CDC42BPA: variants seen among roughly 807,000 people sequenced by gnomAD.
The protein encoded by CDC42BPA is serine/threonine-protein kinase MRCK alpha.
In CDC42BPA, 80 loss-of-function variants were observed where a neutral mutation model predicts 223.5. The ratio of observed to expected loss-of-function variants is 0.36; its 90% CI spans 0.30 to 0.43. The LOEUF is 0.43. CDC42BPA is among the 20% of genes least tolerant of loss of function. The pLI is 1.00. For synonymous variants in CDC42BPA, 694 were observed against 718.6 expected (o/e 0.97, Z 0.55); for missense variants, 1,743 against 2,099.9 (o/e 0.83, Z 3.32).
At chr1:227,077,614 T>C (rs2149108571) in intron 17 of CDC42BPA, among the ~76,000 whole-genome samples, 1 of 152,280 alleles carries the variant, frequency 6.6e-6, no homozygotes, top group South Asian at 2.1e-4. Flanking sequence ...AGGAATTTAA[T>C]TCCCAAATTT....
chr1:227,272,379 A>T (rs1686101961), intron 1 of CDC42BPA, among the ~76,000 whole-genome samples: 1 of 152,144 alleles, frequency 6.6e-6, no homozygotes, highest in South Asian at 2.1e-4. Flanking sequence ...AAAACCCTAA[A>T]GGAAAAGATT....
intron 2 of CDC42BPA, among the ~76,000 whole-genome samples, chr1:227,221,636 T>C (rs1675925306): frequency 6.7e-6 from 1 of 149,192 alleles, no homozygotes; most frequent in African/African-American, 2.5e-5. Flanking sequence ...CTATATGCTA[T>C]ACATTATGCT....
In CDC42BPA at chr1:227,031,494, T is replaced by A; in HGVS notation, c.3579A>T (p.Ser1193=). Residue 1193 remains serine (S), a synonymous_variant, in exon 28 of 37, where the codon TCA becomes TCT. Coordinates refer to ENST00000366766, the MANE Select transcript of CDC42BPA (RefSeq NM_001394014.1). ...CIFRVTASQL[S]ASNNKCSILM... ...GGATTGAACATTTGTTATTAGATGC[T>A]GAGAGCTGGGAAGCTGTGACCTAGA... is the stretch of plus-strand genomic sequence containing the variant. The A allele has an allele frequency of 6.2e-7, 1 of 1,614,022 alleles. No individual in the cohort carries two copies. The highest frequency in any genetic ancestry group is 1.6e-4 in the Middle Eastern group (1 of 6,062).
intron 5 of CDC42BPA, among the ~76,000 whole-genome samples, chr1:227,173,122 G>T (rs1007612988): frequency 1.9e-4 from 29 of 152,188 alleles, no homozygotes; most frequent in African/African-American, 6.5e-4. Flanking sequence ...ACAAAAATAT[G>T]AAAACGTATA....
intron 7 of CDC42BPA, among the ~76,000 whole-genome samples, chr1:227,146,790 T>C (rs927920537): frequency 6.6e-6 from 1 of 152,148 alleles, no homozygotes; most frequent in African/African-American, 2.4e-5. Flanking sequence ...GGTAGATTCC[T>C]AGACTGAAGT....
In CDC42BPA at chr1:227,113,006, C is replaced by G. The variant is rs539550784; in HGVS notation, c.1648-93G>C. On this transcript the variant is annotated intron_variant, in intron 12 of 36. Transcript: ENST00000366766. ...ATAGCTATCATTAAGTCAAGAAGAGCCAAAATTATTCACCTTAGGACAAAT... is the reference window on the plus strand; with the variant it reads ...ATAGCTATCATTAAGTCAAGAAGAGGCAAAATTATTCACCTTAGGACAAAT... 11 of 1,184,076 alleles carry G rather than the reference C, an allele frequency of 9.3e-6. No individual in the cohort carries two copies. The African/African-American group carries it at 1.7e-4, about 18-fold the overall frequency. The allele number at this position is 1,184,076 out of a possible 1,614,324, so 73.3% of individuals were successfully genotyped here.
chr1:227,064,381 T>C (rs1341553442), intron 21 of CDC42BPA, among the ~76,000 whole-genome samples: 1 of 152,310 alleles, frequency 6.6e-6, no homozygotes, highest in African/African-American at 2.4e-5. Flanking sequence ...AGCTAATTTA[T>C]ATGATTGTAA....
intron 15 of CDC42BPA, among the ~76,000 whole-genome samples, chr1:227,097,718 T>C (rs1357567109): frequency 6.6e-6 from 1 of 152,154 alleles, no homozygotes; most frequent in East Asian, 1.9e-4. Context: ...CATATGACCT[T>C]CTTCTAGGAG....
At chr1:227,107,963 A>ATC (rs1248483288) in intron 14 of CDC42BPA, among the ~76,000 whole-genome samples, 1 of 151,868 alleles carries the variant, frequency 6.6e-6, no homozygotes, top group Admixed American at 6.6e-5. Context: ...TATTTGCAAC[A>ATC]TCTCTCTCTC....
intron 24 of CDC42BPA, among the ~76,000 whole-genome samples, chr1:227,037,038 G>A (rs992728178): frequency 2.0e-5 from 3 of 152,174 alleles, no homozygotes; most frequent in Non-Finnish European, 4.4e-5. Flanking sequence ...GAGAGTCTGA[G>A]AAGACCTCAA....
At chr1:227,233,185 C>T (rs1031155895) in intron 2 of CDC42BPA, among the ~76,000 whole-genome samples, 15 of 152,244 alleles carry the variant, frequency 9.9e-5, no homozygotes, top group African/African-American at 3.4e-4. Flanking sequence ...ATCTTAGAAC[C>T]GCTATTTTTT....
rs71180728 is a variant in CDC42BPA, at chr1:227,315,955, C to CAAAA, written c.178+1046_178+1049dup. Among the ~76,000 whole-genome samples the CAAAA allele has an allele frequency of 6.8e-3, 751 of 110,934 alleles. 13 individuals are homozygous for CAAAA. Among genetic ancestry groups the CAAAA allele is most frequent in the African/African-American group, 0.026 (696 of 26,896 alleles). The allele number at this position is 110,934 out of a possible 152,430, so 72.8% of individuals were successfully genotyped here. A position where few individuals can be genotyped will look rare whatever the true frequency, so the allele number is the denominator to read the frequency against. On this transcript the variant is annotated intron_variant, in intron 1 of 36. Coordinates refer to ENST00000366766, the MANE Select transcript of CDC42BPA (RefSeq NM_001394014.1). ...ACTAACTTTGAATAAATTTCAAATC[C>CAAAA]AAAAAAAAAAAAAAAAAAAGACACA...
intron 35 of CDC42BPA, among the ~76,000 whole-genome samples, chr1:227,000,292 CTT>C (rs896253530): frequency 5.9e-5 from 9 of 152,110 alleles, no homozygotes; most frequent in African/African-American, 2.2e-4. Flanking sequence ...GAAATATACT[CTT>C]TACTTTTTTG....
chr1:227,015,206 C>T (rs1312511207), intron 34 of CDC42BPA, among the ~76,000 whole-genome samples: 4 of 151,896 alleles, frequency 2.6e-5, no homozygotes, highest in South Asian at 2.1e-4. Flanking sequence ...GTGGGTGGAC[C>T]GCAAGGTCAG....
chr1:227,049,161 A>G (rs746358377), intron 22 of CDC42BPA, among the ~76,000 whole-genome samples: 140 of 152,066 alleles, frequency 9.2e-4, no homozygotes, highest in Non-Finnish European at 7.2e-4. Context: ...GAAAATCTAT[A>G]CAAAAGTTAA....
chr1:227,256,988 C>CACACACACACACACAT (rs1253231876), intron 1 of CDC42BPA, among the ~76,000 whole-genome samples: 1 of 147,918 alleles, frequency 6.8e-6, no homozygotes, highest in Non-Finnish European at 1.5e-5. Context: ...CACACACACA[C>CACACACACACACACAT]ACCAGTATGT....
chr1:227,042,622 T>C (rs747699192), intron 23 of CDC42BPA, among the ~76,000 whole-genome samples: 2 of 152,100 alleles, frequency 1.3e-5, no homozygotes, highest in Non-Finnish European at 2.9e-5. Context: ...GGTGTGAAAA[T>C]GTATAAAGAA....
At chr1:227,154,084 T>C (rs928873249) in intron 6 of CDC42BPA, among the ~76,000 whole-genome samples, 3 of 151,936 alleles carry the variant, frequency 2.0e-5, no homozygotes, top group African/African-American at 7.2e-5. Flanking sequence ...TATAACATCT[T>C]GATAAAGTCA....
intron 14 of CDC42BPA, among the ~76,000 whole-genome samples, chr1:227,108,932 C>G (rs1287229717): frequency 6.6e-6 from 1 of 152,156 alleles, no homozygotes; most frequent in African/African-American, 2.4e-5. Flanking sequence ...CAGTATGGTA[C>G]TGTCCTGAAT....
Sources: gnomAD v4.1 joint callset for allele counts (sites outside exome capture counted in the v4.1 genomes callset) on GRCh38, gnomAD v4.1.1 for gene constraint, MANE v1.5 for transcripts, NCBI Gene and HGNC (gene_info 2026-07-23, HGNC 2026-07-21) for gene names.